Variants in DCLK1 observed in about 807,000 individuals in gnomAD.
DCLK1 encodes the protein doublecortin like kinase 1.
DCLK1 carries 16 observed loss-of-function variants against 86.2 expected under a neutral mutation model. The ratio of observed to expected loss-of-function variants is 0.19; its 90% CI spans 0.13 to 0.28. The LOEUF is 0.28. Ranked by LOEUF, DCLK1 falls within the 10% of genes least tolerant of loss-of-function variation. The probability of loss-of-function intolerance (pLI) is 1.00; values close to 1 mark genes in which losing one functional copy is unlikely to be tolerated. For synonymous variants in DCLK1, 369 were observed against 370.5 expected (o/e 1.00, Z 0.05); for missense variants, 590 against 940.2 (o/e 0.63, Z 4.87).
chr13:36,030,242 T>C (rs1201501417), intron 3 of DCLK1, among the ~76,000 whole-genome samples: 3 of 152,206 alleles, frequency 2.0e-5, no homozygotes, highest in Non-Finnish European at 4.4e-5. Context: ...GAGCTCATAT[T>C]CAAACATTCA....
At chr13:36,114,053 A>G (rs57645354) in intron 2 of DCLK1, among the ~76,000 whole-genome samples, 6,440 of 152,240 alleles carry the variant, frequency 0.042, 160 homozygotes, top group African/African-American at 0.075. Context: ...ATAAGTTTCT[A>G]TACTAAGCTA....
At chr13:36,093,409 G>A (rs983391461) in intron 3 of DCLK1, among the ~76,000 whole-genome samples, 7 of 152,146 alleles carry the variant, frequency 4.6e-5, no homozygotes, top group Non-Finnish European at 7.4e-5. Context: ...GGGCTCCCAT[G>A]GTGGCTACAA....
intron 3 of DCLK1, among the ~76,000 whole-genome samples, chr13:36,055,519 A>T (rs1360998914): frequency 1.3e-5 from 2 of 152,170 alleles, no homozygotes; most frequent in African/African-American, 4.8e-5. Context: ...TGGAGATTTC[A>T]GAAGAATAAG....
Position 36,085,479 on chromosome 13 carries a change from T to C in DCLK1, c.723+26390A>G, listed in dbSNP as rs531682293. Among the ~76,000 whole-genome samples, 5 of 152,240 alleles carry C rather than the reference T, an allele frequency of 3.3e-5. No individual in the cohort carries two copies. The East Asian group carries it at 9.7e-4, about 29-fold the overall frequency. On this transcript the variant is annotated intron_variant, in intron 3 of 16. Transcript: ENST00000360631. ...ATAAAAATTACTAACCTGAATACAG[T>C]TTGGAAGCCAGCTCTGTGCCACTGT...
chr13:35,839,204 A>C, intron 6 of DCLK1, 28 bp from the exon 7 acceptor site: 2 of 1,552,022 alleles, frequency 1.3e-6, no homozygotes, highest in African/African-American at 1.4e-5. Context: ...CCGGTAATTC[A>C]AAAACTGGGT....
chr13:35,830,934 A>G (rs1432784957), intron 8 of DCLK1, among the ~76,000 whole-genome samples: 1 of 152,228 alleles, frequency 6.6e-6, no homozygotes, highest in East Asian at 1.9e-4. Context: ...AAAGCACTCA[A>G]TCCTCAGGGC....
intron 3 of DCLK1, among the ~76,000 whole-genome samples, chr13:35,975,217 C>G (rs1302515726): frequency 1.3e-5 from 2 of 152,182 alleles, no homozygotes; most frequent in African/African-American, 4.8e-5. Context: ...GTGGGCGAGG[C>G]AGAGGACACA....
intron 3 of DCLK1, among the ~76,000 whole-genome samples, chr13:36,026,915 G>T (rs146133623): frequency 5.5e-4 from 83 of 151,916 alleles, no homozygotes; most frequent in African/African-American, 1.9e-3. Flanking sequence ...CCAAAACAAG[G>T]TATATTGATA....
chr13:35,866,617 T>C (rs537233348), intron 5 of DCLK1, among the ~76,000 whole-genome samples: 3,586 of 76,984 alleles, frequency 0.047, 148 homozygotes, highest in African/African-American at 0.16. Context: ...AATTTTTGTA[T>C]TTTTTTTTTT....
At chr13:36,107,335 ATTTTTTTTTTT>A (rs10670428) in intron 3 of DCLK1, among the ~76,000 whole-genome samples, 1 of 110,308 alleles carries the variant, frequency 9.1e-6, no homozygotes. Context: ...GCAGTGGTAG[ATTTTTTTTTTT>A]TTTTTTTTTT....
intron 11 of DCLK1, among the ~76,000 whole-genome samples, chr13:35,816,470 A>C (rs986423688): frequency 2.0e-5 from 3 of 152,180 alleles, no homozygotes; most frequent in African/African-American, 7.2e-5. Flanking sequence ...TAATCCCAAC[A>C]GTTACTATTA....
intron 3 of DCLK1, among the ~76,000 whole-genome samples, chr13:36,026,019 T>C (rs982034103): frequency 2.0e-5 from 3 of 152,016 alleles, no homozygotes; most frequent in African/African-American, 7.3e-5. Flanking sequence ...ATCAATTCAG[T>C]TTGAGAGGTA....
intron 6 of DCLK1, among the ~76,000 whole-genome samples, chr13:35,844,660 A>G (rs1035965422): frequency 1.3e-5 from 2 of 152,166 alleles, no homozygotes; most frequent in Non-Finnish European, 2.9e-5. Context: ...CCCAACCTGT[A>G]ATGAAGGGAG....
intron 15 of DCLK1, among the ~76,000 whole-genome samples, chr13:35,796,850 T>C (rs1016463453): frequency 6.6e-6 from 1 of 152,126 alleles, no homozygotes; most frequent in East Asian, 1.9e-4. Context: ...AGTGGCACAG[T>C]GGTGAGGCGG....
intron 2 of DCLK1, among the ~76,000 whole-genome samples, chr13:36,123,005 G>T (rs111231226): frequency 6.6e-6 from 1 of 152,164 alleles, no homozygotes; most frequent in East Asian, 1.9e-4. Context: ...CACAAATATT[G>T]TAATTCAGAA....
chr13:36,110,587 C>T (rs980725134), intron 3 of DCLK1, among the ~76,000 whole-genome samples: 4 of 152,080 alleles, frequency 2.6e-5, no homozygotes, highest in African/African-American at 9.7e-5. Context: ...AATGCGCTAG[C>T]CTTTAAGAAC....
At chr13:36,111,321 A>G (rs1028623042) in intron 3 of DCLK1, among the ~76,000 whole-genome samples, 5 of 152,284 alleles carry the variant, frequency 3.3e-5, no homozygotes, top group African/African-American at 1.2e-4. Context: ...TCATTTTAAC[A>G]CTGAAAAATA....
intron 4 of DCLK1, among the ~76,000 whole-genome samples, chr13:35,924,664 A>G (rs1394859827): frequency 6.6e-6 from 1 of 152,138 alleles, no homozygotes; most frequent in Non-Finnish European, 1.5e-5. Context: ...AATAAAAATA[A>G]AAAAGAAATG....
chr13:36,093,417 C>T (rs1884905071), intron 3 of DCLK1, among the ~76,000 whole-genome samples: 1 of 152,200 alleles, frequency 6.6e-6, no homozygotes. Flanking sequence ...ATGGTGGCTA[C>T]AAATCACCTA....
Sources: gnomAD v4.1 joint callset for allele counts (sites outside exome capture counted in the v4.1 genomes callset) on GRCh38, gnomAD v4.1.1 for gene constraint, MANE v1.5 for transcripts, NCBI Gene and HGNC (gene_info 2026-07-23, HGNC 2026-07-21) for gene names.